Variants in TENM2 observed in about 807,000 individuals in gnomAD.
The protein encoded by TENM2 is teneurin-2.
Under a neutral mutation model 245.2 loss-of-function variants are expected in TENM2, and 52 were observed. The observed-to-expected ratio is 0.21, with a 90% CI of 0.17 to 0.27. The LOEUF is 0.27. Among genes scored for constraint, TENM2 ranks in the 10% least tolerant of loss-of-function variants. The pLI, the probability that TENM2 is intolerant of heterozygous loss-of-function variation, is 1.00. For missense variants in TENM2, 3,046 were observed against 3,666.8 expected (o/e 0.83, Z 4.37); for synonymous variants, 1,363 against 1,438.9 (o/e 0.95, Z 1.19).
chr5:167,911,250 G>A (rs988770216), intron 3 of TENM2, among the ~76,000 whole-genome samples: 1 of 152,138 alleles, frequency 6.6e-6, no homozygotes, highest in Admixed American at 6.5e-5. Context: ...TCAAGGGCCG[G>A]GCACGGTGGC....
chr5:167,679,517 G>T (rs1348000125), intron 2 of TENM2, among the ~76,000 whole-genome samples: 14 of 151,942 alleles, frequency 9.2e-5, no homozygotes, highest in African/African-American at 2.9e-4. Context: ...AAGTTAAGCG[G>T]GTATGCGGTA....
At chr5:167,860,477 G>A (rs1771679949) in intron 2 of TENM2, among the ~76,000 whole-genome samples, 1 of 125,522 alleles carries the variant, frequency 8.0e-6, no homozygotes, top group Non-Finnish European at 1.7e-5. Flanking sequence ...GGGCGCCTCT[G>A]CCCGGCCGCC....
At chr5:167,239,765 AT>A in the TENM2 span, among the ~76,000 whole-genome samples, 5 of 152,136 alleles carry the variant, frequency 3.3e-5, no homozygotes, top group African/African-American at 9.7e-5. Context: ...TAAACTTTTT[AT>A]ATTGTTGTTT....
At chr5:168,020,530 C>T (rs1786050643) in intron 5 of TENM2, among the ~76,000 whole-genome samples, 1 of 152,158 alleles carries the variant, frequency 6.6e-6, no homozygotes. Context: ...ATCTTGTTTT[C>T]ATGAGAGTAT....
In TENM2 at chr5:168,013,603, C is replaced by CAACAAAACAAAACAA. The variant is rs10632619; in HGVS notation, c.1186+20439_1186+20453dup. On this transcript the variant is annotated intron_variant, in intron 5 of 28. Coordinates refer to ENST00000518659, the Ensembl canonical transcript of TENM2. ...TGGGTGACAAAGCAAGACTCTGTCT[C>CAACAAAACAAAACAA]AACAAAACAAAACAAAACAAAACAA... Among the ~76,000 whole-genome samples the CAACAAAACAAAACAA allele has an allele frequency of 6.5e-3, 970 of 149,922 alleles. 6 individuals carry two copies. Among genetic ancestry groups the CAACAAAACAAAACAA allele is most frequent in the African/African-American group, 0.011 (452 of 40,748 alleles).
At chr5:168,124,783 C>T in intron 10 of TENM2, 67 bp from the exon 13 acceptor site, 1 of 1,451,784 alleles carries the variant, frequency 6.9e-7, no homozygotes, top group Non-Finnish European at 9.3e-7. Context: ...AAGCCCATGT[C>T]TCATGGTCCA....
chr5:167,155,623 C>T, the TENM2 span, among the ~76,000 whole-genome samples: 4 of 152,130 alleles, frequency 2.6e-5, no homozygotes, highest in Admixed American at 6.5e-5. Context: ...GCCATAGAGC[C>T]GTGGCGTAGT....
At chr5:167,427,159 A>G (rs1294622049) in intron 2 of TENM2, among the ~76,000 whole-genome samples, 2 of 152,102 alleles carry the variant, frequency 1.3e-5, no homozygotes, top group Non-Finnish European at 2.9e-5. Context: ...AAAACAACCA[A>G]AAGAAACAGA....
At chr5:167,139,264 C>T in the TENM2 span, among the ~76,000 whole-genome samples, 1 of 152,330 alleles carries the variant, frequency 6.6e-6, no homozygotes, top group African/African-American at 2.4e-5. Context: ...CCTTGAACTA[C>T]TTACGTGTCA....
At chr5:167,626,171 T>G (rs1778487834) in intron 2 of TENM2, among the ~76,000 whole-genome samples, 2 of 152,120 alleles carry the variant, frequency 1.3e-5, no homozygotes, top group South Asian at 4.1e-4. Flanking sequence ...TACACCATAT[T>G]TCTGTAATGG....
chr5:167,495,516 A>C (rs1768756356), intron 2 of TENM2, among the ~76,000 whole-genome samples: 2 of 152,106 alleles, frequency 1.3e-5, no homozygotes, highest in African/African-American at 4.8e-5. Context: ...TGGATTTTGC[A>C]AATTCTAGCA....
chr5:167,103,631 C>A, the TENM2 span, among the ~76,000 whole-genome samples: 2 of 152,190 alleles, frequency 1.3e-5, no homozygotes, highest in Non-Finnish European at 2.9e-5. Flanking sequence ...CCCCAGCAGA[C>A]TTCTAACTTG....
intron 1 of TENM2, among the ~76,000 whole-genome samples, chr5:167,365,689 A>G (rs946302812): frequency 6.6e-6 from 1 of 152,042 alleles, no homozygotes; most frequent in Non-Finnish European, 1.5e-5. Context: ...TATTAGGGTC[A>G]CCATATATTG....
intron 1 of TENM2, among the ~76,000 whole-genome samples, chr5:167,328,132 T>TA (rs36152556): frequency 0.014 from 2,004 of 145,000 alleles, 21 homozygotes; most frequent in East Asian, 0.039. Flanking sequence ...GTGAACTTGT[T>TA]AAAAAAAAAA....
chr5:167,936,660 A>G (rs1371821967), intron 3 of TENM2, among the ~76,000 whole-genome samples: 2 of 152,214 alleles, frequency 1.3e-5, no homozygotes, highest in African/African-American at 4.8e-5. Context: ...TTTAAAGTTA[A>G]CATACAGTAA....
intron 2 of TENM2, among the ~76,000 whole-genome samples, chr5:167,441,877 G>A (rs4549550): frequency 0.24 from 36,013 of 152,110 alleles, 5,125 homozygotes; most frequent in Non-Finnish European, 0.32. Flanking sequence ...AAGGGTCACA[G>A]CTGGAGCATC....
rs115469936 is a variant in TENM2 at position 167,329,017 on chromosome 5, G to A, written c.226+43954G>A. 2.4e-3 allele frequency among the ~76,000 whole-genome samples: 366 copies of A among 152,244 alleles called. 4 individuals carry two copies. Among genetic ancestry groups the A allele is most frequent in the African/African-American group, 8.3e-3 (345 of 41,552 alleles). ...TTGAATGAATAAATACATGACAATAGTTGGAGAAAGGAGTTAGTACCTTCC... is the reference window on the plus strand; with the variant it reads ...TTGAATGAATAAATACATGACAATAATTGGAGAAAGGAGTTAGTACCTTCC... On this transcript the variant is annotated intron_variant, in intron 1 of 28. Coordinates refer to ENST00000518659, the Ensembl canonical transcript of TENM2.
chr5:167,217,066 A>G, the TENM2 span, among the ~76,000 whole-genome samples: 3 of 152,230 alleles, frequency 2.0e-5, no homozygotes, highest in African/African-American at 7.2e-5. Flanking sequence ...CAAAATGTAT[A>G]ACATATATAC....
At chr5:167,197,877 G>T in the TENM2 span, among the ~76,000 whole-genome samples, 19 of 151,870 alleles carry the variant, frequency 1.3e-4, no homozygotes, top group African/African-American at 4.3e-4. Flanking sequence ...TGTATATATA[G>T]AGAGTATATA....
Sources: allele counts gnomAD v4.1 joint callset (sites outside exome capture counted in the v4.1 genomes callset), GRCh38; gene constraint gnomAD v4.1.1; transcripts MANE v1.5; gene names NCBI Gene and HGNC (gene_info 2026-07-23, HGNC 2026-07-21).